The following AGPAT4 variants were observed in gnomAD, a reference collection of about 807,000 sequenced individuals.
The protein encoded by AGPAT4 is 1-acylglycerol-3-phosphate O-acyltransferase 4.
A neutral mutation model predicts 48.0 loss-of-function variants in AGPAT4; 15 were observed. The ratio of observed to expected loss-of-function variants is 0.31; its 90% confidence interval spans 0.21 to 0.48. AGPAT4 has a LOEUF of 0.48. Ranked by LOEUF, AGPAT4 falls within the 20% of genes least tolerant of loss-of-function variation. The pLI is 0.99. For synonymous variants in AGPAT4, 178 were observed against 198.7 expected (o/e 0.90, Z 0.88); for missense variants, 314 against 482.5 (o/e 0.65, Z 3.27).
chr6:161,269,461 CA>C (rs1162404988), intron 1 of AGPAT4, among the ~76,000 whole-genome samples: 4 of 152,142 alleles, frequency 2.6e-5, no homozygotes, highest in Non-Finnish European at 4.4e-5. Context: ...TTTCATTGGC[CA>C]ATAAATGCTT....
In AGPAT4 at chr6:161,178,438, G is replaced by A. The variant is rs903355852; in HGVS notation, c.179-12021C>T. On this transcript the variant is annotated intron_variant, in intron 2 of 8. Transcript: ENST00000320285. The surrounding 1 kb of genome is among the most constrained non-coding windows in gnomAD (Gnocchi z 5.1). ...GCGTCGGACCCTCTGAGCCAGACAC[G>A]GGATATAATCTCCTGGTGTGCCATT... Among the ~76,000 whole-genome samples, 5 of 152,216 alleles carry A rather than the reference G, an allele frequency of 3.3e-5. No homozygotes were observed. The highest frequency in any genetic ancestry group is 4.4e-5 in the Non-Finnish European group (3 of 68,044).
In AGPAT4 at chr6:161,165,066, G is replaced by T. The variant is rs1333654698; in HGVS notation, c.348+1182C>A. ...ATTCACCCCTGGTATCCATGACGGGGTTAGGACCATGACATTCTAAGGGGC... is the reference window on the plus strand; with the variant it reads ...ATTCACCCCTGGTATCCATGACGGGTTTAGGACCATGACATTCTAAGGGGC... On this transcript the variant is annotated intron_variant, in intron 3 of 8. Coordinates refer to ENST00000320285, the MANE Select transcript of AGPAT4 (RefSeq NM_020133.3). This position sits in a 1 kb window ranked among gnomAD's most constrained non-coding sequence, Gnocchi z 5.5. Among the ~76,000 whole-genome samples the T allele has an allele frequency of 2.0e-5, 3 of 152,152 alleles. No homozygotes were observed. Among genetic ancestry groups the T allele is most frequent in the Non-Finnish European group, 4.4e-5 (3 of 68,034 alleles).
Position 161,235,836 on chromosome 6 carries a change from G to A in AGPAT4, c.-89-3534C>T, listed in dbSNP as rs949975454. ...AACCATTCATGAGAACTCCGCCCCC[G>A]TGATCCAATCAGCTCCCACCAGGTC... is the stretch of plus-strand genomic sequence containing the variant. On this transcript the variant is annotated intron_variant, in intron 1 of 8. Coordinates refer to ENST00000320285, the MANE Select transcript of AGPAT4 (RefSeq NM_020133.3). The surrounding 1 kb of genome is among the most constrained non-coding windows in gnomAD (Gnocchi z 6.2). Among the ~76,000 whole-genome samples the A allele has an allele frequency of 5.9e-5, 9 of 152,138 alleles. No individual in the cohort carries two copies. The highest frequency in any genetic ancestry group is 2.1e-4 in the South Asian group (1 of 4,816).
rs1051804854 is a variant in AGPAT4 at position 161,142,489 on chromosome 6, C to G, written c.844-2869G>C. On this transcript the variant is annotated intron_variant, in intron 7 of 8. Coordinates refer to ENST00000320285, the MANE Select transcript of AGPAT4 (RefSeq NM_020133.3). This position sits in a 1 kb window ranked among gnomAD's most constrained non-coding sequence, Gnocchi z 6.4. ...TTTGTTTCCAGAAAGAAGCATCAAC[C>G]TACAAGCCAAGAGGAGAACGAGATC... Among the ~76,000 whole-genome samples, 2 of 152,116 alleles carry G rather than the reference C, an allele frequency of 1.3e-5. No homozygotes were observed. Among genetic ancestry groups the G allele is most frequent in the Admixed American group, 6.6e-5 (1 of 15,266 alleles).
intron 3 of AGPAT4, among the ~76,000 whole-genome samples, chr6:161,163,472 C>T (rs1299330845): frequency 1.3e-5 from 2 of 152,110 alleles, no homozygotes; most frequent in African/African-American, 4.8e-5. Flanking sequence ...CCGTTCTTTA[C>T]CCCCTTCCAG....
chr6:161,134,461 T>A lies in AGPAT4; in HGVS notation c.*2079A>T, dbSNP rs1173217761. ...CTGAGCATTTTTGAGAGTAGCAACA[T>A]AGAGGCAGCTTTCTAGTCTTTCATC... is the stretch of plus-strand genomic sequence containing the variant. On this transcript the variant is annotated 3_prime_UTR_variant, in exon 9 of 9. Transcript: ENST00000320285. 6.6e-6 allele frequency: 1 copy of A among 152,164 alleles called. No individual in the cohort carries two copies. Among genetic ancestry groups the A allele is most frequent in the Non-Finnish European group, 1.5e-5 (1 of 68,022 alleles). 9.4% of individuals were successfully genotyped at this position (152,164 alleles called of 1,614,324 possible).
In AGPAT4 at chr6:161,131,134, A is replaced by G. The variant is rs1448202921; in HGVS notation, c.*5406T>C. ...AAATATCTAGTCATTCCAATATGTA[A>G]AACAAGACTGCCTTGTTTTAAAAAA... On this transcript the variant is annotated 3_prime_UTR_variant, in exon 9 of 9. Transcript: ENST00000320285. 3.4e-6 allele frequency: 1 copy of G among 297,876 alleles called. No individual in the cohort carries two copies. The highest frequency in any genetic ancestry group is 6.8e-6 in the Non-Finnish European group (1 of 147,584). 18.5% of individuals were successfully genotyped at this position (297,876 alleles called of 1,614,324 possible).
Position 161,254,674 on chromosome 6 carries a change from G to A in AGPAT4, c.-90+19264C>T, listed in dbSNP as rs186686273. On this transcript the variant is annotated intron_variant, in intron 1 of 8. Transcript: ENST00000320285. This position sits in a 1 kb window ranked among gnomAD's most constrained non-coding sequence, Gnocchi z 5.9. ...CACTCAGTCCTTCTCATGGAAAGCA[G>A]CATGGGTTAGCAAATCCTTAGATTT... Among the ~76,000 whole-genome samples the A allele has an allele frequency of 3.3e-5, 5 of 152,288 alleles. No individual in the cohort carries two copies. The East Asian group carries it at 9.7e-4, about 29-fold the overall frequency.
rs1232389891 is a variant in AGPAT4, at chr6:161,243,142, C to A, written c.-89-10840G>T. Among the ~76,000 whole-genome samples, 5 of 152,070 alleles carry A rather than the reference C, an allele frequency of 3.3e-5. No homozygotes were observed. Among genetic ancestry groups the A allele is most frequent in the Admixed American group, 1.3e-4 (2 of 15,270 alleles). On this transcript the variant is annotated intron_variant, in intron 1 of 8. Coordinates refer to ENST00000320285, the MANE Select transcript of AGPAT4 (RefSeq NM_020133.3). The surrounding 1 kb of genome is among the most constrained non-coding windows in gnomAD (Gnocchi z 4.8). ...AAGGCAGAATGCATGTTGAAATTGT[C>A]GATTTCATCATCGTCATTGCTGCTA...
At position 161,146,475 on chromosome 6, in the gene AGPAT4, G is replaced by A. The variant is rs776596724; in HGVS notation, c.843+49C>T. The A allele has an allele frequency of 1.7e-5, 27 of 1,581,468 alleles. No individual in the cohort carries two copies. Among genetic ancestry groups the A allele is most frequent in the Middle Eastern group, 1.7e-4 (1 of 5,984 alleles). ...CTACCACACAACACAGCCACACGGC[G>A]CACCCACAGCTGCAACGTGAAGGGA... On this transcript the variant is annotated intron_variant, in intron 7 of 8. Coordinates refer to ENST00000320285, the MANE Select transcript of AGPAT4 (RefSeq NM_020133.3). This position sits in a 1 kb window ranked among gnomAD's most constrained non-coding sequence, Gnocchi z 7.1.
rs577976025 is a variant in AGPAT4 at position 161,214,015 on chromosome 6, C to T, written c.178+18021G>A. On this transcript the variant is annotated intron_variant, in intron 2 of 8. Coordinates refer to ENST00000320285, the MANE Select transcript of AGPAT4 (RefSeq NM_020133.3). The surrounding 1 kb of genome is among the most constrained non-coding windows in gnomAD (Gnocchi z 5.4). Reference sequence around the variant, plus strand: ...CAAGCTGGGAACTGTTTAGGGCAAACGTGCCACCCATTCTATTCAAAGGCA... The same window carrying T: ...CAAGCTGGGAACTGTTTAGGGCAAATGTGCCACCCATTCTATTCAAAGGCA... Among the ~76,000 whole-genome samples the T allele has an allele frequency of 2.6e-5, 4 of 152,250 alleles. No homozygotes were observed. The highest frequency in any genetic ancestry group is 3.9e-4 in the East Asian group (2 of 5,174).
At position 161,225,131 on chromosome 6, in the gene AGPAT4, C is replaced by T. The variant is rs907299600; in HGVS notation, c.178+6905G>A. ...CCCAGACTCATTCGGATTACCTGCTCCACCCTGACTCCTTCCGATGACCTG... is the reference window on the plus strand; with the variant it reads ...CCCAGACTCATTCGGATTACCTGCTTCACCCTGACTCCTTCCGATGACCTG... On this transcript the variant is annotated intron_variant, in intron 2 of 8. Transcript: ENST00000320285. The surrounding 1 kb of genome is among the most constrained non-coding windows in gnomAD (Gnocchi z 5.0). 5.3e-5 allele frequency among the ~76,000 whole-genome samples: 8 copies of T among 151,818 alleles called. No individual in the cohort carries two copies. The highest frequency in any genetic ancestry group is 1.9e-4 in the African/African-American group (8 of 41,280).
rs373285993 is a variant in AGPAT4 at position 161,249,058 on chromosome 6, A to G, written c.-89-16756T>C. 5.9e-5 allele frequency among the ~76,000 whole-genome samples: 9 copies of G among 152,340 alleles called. No homozygotes were observed. In the South Asian group the frequency reaches 1.9e-3, roughly 32 times the overall value. On this transcript the variant is annotated intron_variant, in intron 1 of 8. Transcript: ENST00000320285. This position sits in a 1 kb window ranked among gnomAD's most constrained non-coding sequence, Gnocchi z 6.2. ...TTCAACAAAGCTGACAAAAACAAGC[A>G]ATGGGGAAAGGACTCCCTATTCAAT...
rs145327230 is a variant in AGPAT4 at position 161,218,592 on chromosome 6, G to T, written c.178+13444C>A. Among the ~76,000 whole-genome samples, 185 of 152,310 alleles carry T rather than the reference G, an allele frequency of 1.2e-3. 1 individual carries two copies. Among genetic ancestry groups the T allele is most frequent in the African/African-American group, 4.2e-3 (174 of 41,566 alleles). On this transcript the variant is annotated intron_variant, in intron 2 of 8. Coordinates refer to ENST00000320285, the MANE Select transcript of AGPAT4 (RefSeq NM_020133.3). This position sits in a 1 kb window ranked among gnomAD's most constrained non-coding sequence, Gnocchi z 4.7. ...AGCCAAGACTCCAGGCTCCAAGTGC[G>T]TGTTACCATAACACCGGGGCAGGAT... is the stretch of plus-strand genomic sequence containing the variant.
At chr6:161,192,614 CTT>C (rs548796888) in intron 2 of AGPAT4, among the ~76,000 whole-genome samples, 92 of 151,710 alleles carry the variant, frequency 6.1e-4, no homozygotes, top group Non-Finnish European at 9.0e-4. Context: ...CTTTTTTTCT[CTT>C]CTTTCATTCT....
chr6:161,198,189 G>T lies in AGPAT4; in HGVS notation c.179-31772C>A, dbSNP rs955130085. On this transcript the variant is annotated intron_variant, in intron 2 of 8. Coordinates refer to ENST00000320285, the MANE Select transcript of AGPAT4 (RefSeq NM_020133.3). This position sits in a 1 kb window ranked among gnomAD's most constrained non-coding sequence, Gnocchi z 4.3. ...CAATATTAAAAGTGGATATGCAAAA[G>T]ATATTTATATTCTTTCCTAAATAGA... Among the ~76,000 whole-genome samples, 4 of 152,278 alleles carry T rather than the reference G, an allele frequency of 2.6e-5. 1 individual carries two copies. Among genetic ancestry groups the T allele is most frequent in the African/African-American group, 9.6e-5 (4 of 41,548 alleles).
At position 161,144,735 on chromosome 6, in the gene AGPAT4, T is replaced by C. The variant is rs1033582245; in HGVS notation, c.843+1789A>G. ...GGCTCACGCCTGTAATCCCAGCACTTTGGGAGGCCGAGGAGGGCAGATCAC... is the reference window on the plus strand; with the variant it reads ...GGCTCACGCCTGTAATCCCAGCACTCTGGGAGGCCGAGGAGGGCAGATCAC... On this transcript the variant is annotated intron_variant, in intron 7 of 8. Transcript: ENST00000320285. The surrounding 1 kb of genome is among the most constrained non-coding windows in gnomAD (Gnocchi z 6.6). 1.3e-5 allele frequency among the ~76,000 whole-genome samples: 2 copies of C among 152,128 alleles called. No individual in the cohort carries two copies. The highest frequency in any genetic ancestry group is 2.9e-5 in the Non-Finnish European group (2 of 68,018).
In AGPAT4 at chr6:161,130,799, G is replaced by T. The variant is rs1438187886; in HGVS notation, c.*5741C>A. The T allele has an allele frequency of 1.9e-5, 10 of 514,758 alleles. No individual in the cohort carries two copies. Among genetic ancestry groups the T allele is most frequent in the Non-Finnish European group, 3.9e-5 (10 of 256,898 alleles). The allele number at this position is 514,758 out of a possible 1,614,324, so 31.9% of individuals were successfully genotyped here. On this transcript the variant is annotated 3_prime_UTR_variant, in exon 9 of 9. Coordinates refer to ENST00000320285, the MANE Select transcript of AGPAT4 (RefSeq NM_020133.3). ...TTGCTACCCGGAAGCTGGCTCTGCA[G>T]CGTTGTGACTTAGACACTTTACAAG...
rs1778915911 is a variant in AGPAT4 at position 161,131,983 on chromosome 6, C to T, written c.*4557G>A. ...GCCCTGGATGCAGGAGGCAGGGATG[C>T]TGAGGATGTGAATTAGAGTGCTGGG... On this transcript the variant is annotated 3_prime_UTR_variant, in exon 9 of 9. Coordinates refer to ENST00000320285, the MANE Select transcript of AGPAT4 (RefSeq NM_020133.3). 6.6e-6 allele frequency: 1 copy of T among 152,406 alleles called. No homozygotes were observed. The highest frequency in any genetic ancestry group is 2.1e-4 in the South Asian group (1 of 4,830). 9.4% of individuals were successfully genotyped at this position (152,406 alleles called of 1,614,324 possible).
Sources: gnomAD v4.1 joint callset for allele counts (sites outside exome capture counted in the v4.1 genomes callset) on GRCh38, gnomAD v4.1.1 for gene constraint, Gnocchi (gnomAD v3.1) non-coding constraint, MANE v1.5 for transcripts, NCBI Gene and HGNC (gene_info 2026-07-23, HGNC 2026-07-21) for gene names.